Variants in DPYD observed in about 807,000 individuals in gnomAD.
DPYD encodes dihydropyrimidine dehydrogenase [NADP(+)].
A neutral mutation model predicts 116.2 loss-of-function variants in DPYD; 109 were observed. That is an observed-to-expected ratio of 0.94 (90% CI 0.80 to 1.10). DPYD has a LOEUF of 1.10. DPYD is among the 50% of genes least tolerant of loss of function. The pLI is 0.00. For missense variants in DPYD, 1,302 were observed against 1,254.5 expected (o/e 1.04, Z -0.57); for synonymous variants, 440 against 432.0 (o/e 1.02, Z -0.23).
At position 97,234,965 on chromosome 1, in the gene DPYD, C is replaced by A. The variant is rs672601276; in HGVS notation, c.2329G>T (p.Ala777Ser). ...AGAGCACGAGCAATGGAGGTCACAG[C>A]TCTCAAAGCAATAGGTCTGATTGCT... The part of the protein sequence containing the change: ...GTAIRPIALR[A>S]VTSIARALPG... The change falls in exon 19 of 23, where the codon GCT (alanine) becomes TCT (serine). Residue 777 changes from alanine to serine, a missense_variant. Coordinates refer to ENST00000370192, the MANE Select transcript of DPYD (RefSeq NM_000110.4). 3.3e-5 allele frequency: 54 copies of A among 1,613,920 alleles called. No homozygotes were observed. The highest frequency in any genetic ancestry group is 1.6e-4 in the Middle Eastern group (1 of 6,084).
intron 12 of DPYD, among the ~76,000 whole-genome samples, chr1:97,544,063 T>C (rs1052857765): frequency 1.3e-5 from 2 of 152,132 alleles, no homozygotes; most frequent in African/African-American, 4.8e-5. Context: ...ACCTTGAGTG[T>C]GAGTAAAAGT....
Position 97,156,906 on chromosome 1 carries a change from G to T in DPYD, c.2622+36163C>A, listed in dbSNP as rs1346810416. Among the ~76,000 whole-genome samples the T allele has an allele frequency of 3.3e-5, 5 of 151,970 alleles. No individual in the cohort carries two copies. In the South Asian group the frequency reaches 1.0e-3, roughly 32 times the overall value. ...TGATAGACTGGATTAAAAAAATGTG[G>T]CACATATACACCATGGAATACTATG... On this transcript the variant is annotated intron_variant, in intron 20 of 22. Transcript: ENST00000370192.
At chr1:97,642,520 G>A (rs1159293000) in intron 8 of DPYD, among the ~76,000 whole-genome samples, 3 of 151,878 alleles carry the variant, frequency 2.0e-5, no homozygotes, top group Non-Finnish European at 4.4e-5. Context: ...AAATGTTGTT[G>A]GGAAAACTGG....
At chr1:97,499,772 T>C (rs1167424255) in intron 13 of DPYD, among the ~76,000 whole-genome samples, 2 of 151,958 alleles carry the variant, frequency 1.3e-5, no homozygotes, top group African/African-American at 4.8e-5. Flanking sequence ...TATTTAGTAA[T>C]CTAGTTTGGA....
intron 14 of DPYD, among the ~76,000 whole-genome samples, chr1:97,396,907 T>C (rs1673038984): frequency 6.6e-6 from 1 of 150,836 alleles, no homozygotes; most frequent in Non-Finnish European, 1.5e-5. Context: ...TCTCTTAATA[T>C]TCAAGTGTGC....
At chr1:97,423,014 G>C (rs1158362807) in intron 14 of DPYD, among the ~76,000 whole-genome samples, 2 of 151,834 alleles carry the variant, frequency 1.3e-5, no homozygotes, top group Non-Finnish European at 2.9e-5. Flanking sequence ...CATACATCAA[G>C]GTCCACATGC....
intron 20 of DPYD, among the ~76,000 whole-genome samples, chr1:97,101,141 T>C (rs1424362298): frequency 6.6e-6 from 1 of 151,730 alleles, no homozygotes; most frequent in Non-Finnish European, 1.5e-5. Context: ...CCTTCCACCT[T>C]CCACCAAGCA....
intron 14 of DPYD, among the ~76,000 whole-genome samples, chr1:97,433,043 T>C (rs1557708278): frequency 2.6e-5 from 4 of 152,294 alleles, no homozygotes; most frequent in Non-Finnish European, 4.4e-5. Context: ...AGTTTCACCA[T>C]GGTTTTTTGT....
In DPYD at chr1:97,472,576, A is replaced by G. The variant is rs149151965; in HGVS notation, c.1741-22353T>C. Among the ~76,000 whole-genome samples, 604 of 152,350 alleles carry G rather than the reference A, an allele frequency of 4.0e-3. 1 individual carries two copies. Among genetic ancestry groups the G allele is most frequent in the Non-Finnish European group, 7.3e-3 (498 of 68,026 alleles). ...TATATACATATTAGCCAGGGCACTA[A>G]TTGACAGCAAATTGGGGAATACAGT... On this transcript the variant is annotated intron_variant, in intron 13 of 22. Coordinates refer to ENST00000370192, the MANE Select transcript of DPYD (RefSeq NM_000110.4).
chr1:97,275,007 G>A (rs140207664), intron 18 of DPYD, among the ~76,000 whole-genome samples: 2 of 152,134 alleles, frequency 1.3e-5, no homozygotes, highest in Non-Finnish European at 2.9e-5. Context: ...TGAGAAGCTG[G>A]TTCTAAGGGT....
chr1:97,407,449 G>A (rs1410505818), intron 14 of DPYD, among the ~76,000 whole-genome samples: 1 of 152,046 alleles, frequency 6.6e-6, no homozygotes, highest in Non-Finnish European at 1.5e-5. Flanking sequence ...GTACATTAGT[G>A]GTACTGTGTC....
chr1:97,850,680 A>C (rs1571466598), intron 2 of DPYD, among the ~76,000 whole-genome samples: 1 of 152,190 alleles, frequency 6.6e-6, no homozygotes, highest in East Asian at 1.9e-4. Context: ...ACAGGAGATC[A>C]CAGTAAAAAT....
At chr1:97,592,248 G>T (rs1654572983) in intron 10 of DPYD, among the ~76,000 whole-genome samples, 1 of 151,994 alleles carries the variant, frequency 6.6e-6, no homozygotes, top group African/African-American at 2.4e-5. Context: ...TCTTTATAAG[G>T]TATTATATTT....
chr1:97,773,206 A>C (rs1171146913), intron 3 of DPYD, among the ~76,000 whole-genome samples: 1 of 152,200 alleles, frequency 6.6e-6, no homozygotes. Context: ...AATGCTATTT[A>C]TCAAATGACT....
intron 8 of DPYD, among the ~76,000 whole-genome samples, chr1:97,620,236 A>G (rs1266430666): frequency 6.6e-6 from 1 of 152,084 alleles, no homozygotes; most frequent in African/African-American, 2.4e-5. Flanking sequence ...TTTTTTTGAG[A>G]CAGTGTCACT....
chr1:97,834,464 A>T (rs1039706236), intron 2 of DPYD, among the ~76,000 whole-genome samples: 4 of 152,034 alleles, frequency 2.6e-5, no homozygotes, highest in African/African-American at 9.7e-5. Context: ...TATATCAGCA[A>T]TAATTACAAA....
intron 11 of DPYD, among the ~76,000 whole-genome samples, chr1:97,554,835 G>T (rs1323194768): frequency 6.6e-6 from 1 of 152,044 alleles, no homozygotes; most frequent in African/African-American, 2.4e-5. Context: ...TCTCTCAGAA[G>T]ATAACCTTGA....
At chr1:97,348,963 A>C (rs995703358) in intron 16 of DPYD, among the ~76,000 whole-genome samples, 41 of 152,310 alleles carry the variant, frequency 2.7e-4, no homozygotes, top group African/African-American at 9.9e-4. Context: ...TGAGGAAATC[A>C]CTTATTCTGA....
At chr1:97,399,245 T>C (rs1342866822) in intron 14 of DPYD, among the ~76,000 whole-genome samples, 1 of 152,220 alleles carries the variant, frequency 6.6e-6, no homozygotes, top group Admixed American at 6.5e-5. Context: ...TTGTCAAAGA[T>C]CAGATAGTTG....
Sources: gnomAD v4.1 joint callset for allele counts (sites outside exome capture counted in the v4.1 genomes callset) on GRCh38, gnomAD v4.1.1 for gene constraint, MANE v1.5 for transcripts, NCBI Gene and HGNC (gene_info 2026-07-23, HGNC 2026-07-21) for gene names.